The following PLA2G4B variants were observed in gnomAD, a reference collection of about 807,000 sequenced individuals.
PLA2G4B encodes the protein cytosolic phospholipase A2 beta.
A neutral mutation model predicts 95.8 loss-of-function variants in PLA2G4B; 122 were observed. The ratio of observed to expected loss-of-function variants is 1.27; its 90% CI spans 1.10 to 1.48. The LOEUF is 1.48. Among genes scored for constraint, PLA2G4B ranks in the 40% most tolerant of loss-of-function variants. The probability of loss-of-function intolerance (pLI) is 0.00; values close to 1 mark genes in which losing one functional copy is unlikely to be tolerated. For missense variants in PLA2G4B, 1,158 were observed against 996.2 expected, an observed-to-expected ratio of 1.16 and a Z score of -2.19; for synonymous variants, 518 against 421.5, an observed-to-expected ratio of 1.23 and a Z score of -2.80.
rs1447829356 is a variant in PLA2G4B, at chr15:41,846,269, T to A, written c.1667T>A (p.Phe556Tyr). 6.2e-7 allele frequency: 1 copy of A among 1,613,962 alleles called. No individual in the cohort carries two copies. The highest frequency in any genetic ancestry group is 1.3e-5 in the African/African-American group (1 of 75,030). The change falls in exon 17 of 20, where the codon TTT (phenylalanine) becomes TAT (tyrosine). Residue 556 changes from phenylalanine to tyrosine, a missense_variant. Transcript: ENST00000458483. Reference sequence around the variant, plus strand: ...TCAACAGCCGGCAGGATAGCTGAGTTTTTCACCGATCTTCTGACGTGGCGT... The same window carrying A: ...TCAACAGCCGGCAGGATAGCTGAGTATTTCACCGATCTTCTGACGTGGCGT... The part of the protein sequence containing the change: ...PPSTAGRIAE[F>Y]FTDLLTWRPL...
At chr15:41,842,135 T>G (rs2065443593) in intron 8 of PLA2G4B, 58 bp from the exon 9 acceptor site, 1 of 1,602,168 alleles carries the variant, frequency 6.2e-7, no homozygotes, top group Non-Finnish European at 8.5e-7. Context: ...TTTGGTGAGG[T>G]CTTTGCTAGG....
intron 14 of PLA2G4B, 98 bp from the exon 15 acceptor site, chr15:41,845,540 T>C (rs1377963049): frequency 6.5e-7 from 1 of 1,543,756 alleles, no homozygotes; most frequent in Non-Finnish European, 8.7e-7. Flanking sequence ...CTGGGCCTCC[T>C]GGTCCTCAGC....
Position 41,842,558 on chromosome 15 carries a change from C to T in PLA2G4B, c.710C>T (p.Pro237Leu), listed in dbSNP as rs760641020. 84 of 1,610,736 alleles carry T rather than the reference C, an allele frequency of 5.2e-5. No individual in the cohort carries two copies. The highest frequency in any genetic ancestry group is 7.0e-5 in the Non-Finnish European group (82 of 1,179,094). The change falls in exon 10 of 20, where the codon CCC becomes CTC. Residue 237 changes from proline to leucine, a missense_variant. Pro to Leu is a moderately conservative substitution (Grantham distance 98). Transcript: ENST00000458483. The stretch of plus-strand genomic sequence containing the variant: ...TGGGGCCTTCACGGTTTTCAGGAGC[C>T]CCTGATGAGAGTGGAGCTGAAAAAA... ...VRLVFPTSQE[P>L]LMRVELKKEA...
Position 41,841,066 on chromosome 15 carries a change from C to T in PLA2G4B, c.363C>T (p.Arg121=). 6.3e-7 allele frequency: 1 copy of T among 1,583,192 alleles called. No homozygotes were observed. Among genetic ancestry groups the T allele is most frequent in the South Asian group, 1.2e-5 (1 of 86,422 alleles). The change falls in exon 5 of 20, where the codon CGC becomes CGT. Residue 121 remains arginine, a synonymous_variant. Coordinates refer to ENST00000458483, the MANE Select transcript of PLA2G4B (RefSeq NM_001114633.2). ...GGCTCTCTTCCCAGGGTGAGGGGCGCCTGGAAGTTGAATTTCGCCTGCAGA... is the reference window on the plus strand; with the variant it reads ...GGCTCTCTTCCCAGGGTGAGGGGCGTCTGGAAGTTGAATTTCGCCTGCAGA... ...SFSLSPQGEG[R]LEVEFRLQSL...
At chr15:41,847,179 T>C (rs1280132211) in intron 18 of PLA2G4B, among the ~76,000 whole-genome samples, 158 bp from the exon 19 acceptor site, 1 of 96,220 alleles carries the variant, frequency 1.0e-5, no homozygotes, top group Non-Finnish European at 2.3e-5. Context: ...CCGAGGCCTG[T>C]CAGGTGTGGA....
At chr15:41,846,511 C>G in intron 17 of PLA2G4B, 129 bp downstream of exon 17, 3 of 1,502,064 alleles carry the variant, frequency 2.0e-6, no homozygotes, top group East Asian at 2.3e-5. Flanking sequence ...GAACAGGGGT[C>G]TTTTTCTCCT....
Position 41,846,745 on chromosome 15 carries a change from C to G in PLA2G4B, c.1857C>G (p.Leu619=). Residue 619 remains leucine (L), a synonymous_variant, in exon 18 of 20, where the codon CTC becomes CTG. Coordinates refer to ENST00000458483, the MANE Select transcript of PLA2G4B (RefSeq NM_001114633.2). ...PHLCLLDVGY[L]INTSCLPLLQ... is the part of the protein sequence containing the mutation. ...TGTGCCTGCTGGATGTTGGCTACCT[C>G]ATCAATACCAGCTGCCTGCCCCTCC... 1 of 1,614,052 alleles carries G rather than the reference C, an allele frequency of 6.2e-7. No individual in the cohort carries two copies. The highest frequency in any genetic ancestry group is 8.5e-7 in the Non-Finnish European group (1 of 1,179,984).
Position 41,847,373 on chromosome 15 carries a change from G to A in PLA2G4B, c.1984G>A (p.Gly662Arg). 6.2e-7 allele frequency: 1 copy of A among 1,610,286 alleles called. No individual in the cohort carries two copies. Among genetic ancestry groups the A allele is most frequent in the Non-Finnish European group, 8.5e-7 (1 of 1,178,536 alleles). ...CCTGGGCCGGTTCTGCCAGGAGCAG[G>A]GGATCCCGTTCCCACCCATCTCGCC... ...QLLGRFCQEQGIPFPPISPSP... is the reference protein window; with the variant it reads ...QLLGRFCQEQRIPFPPISPSP... The change falls in exon 19 of 20, where the codon GGG becomes AGG. Residue 662 changes from glycine to arginine, a missense_variant. Coordinates refer to ENST00000458483, the MANE Select transcript of PLA2G4B (RefSeq NM_001114633.2).
rs769088130 is a variant in PLA2G4B, at chr15:41,848,111, T to C, written c.*251T>C. On this transcript the variant is annotated 3_prime_UTR_variant, in exon 20 of 20. Coordinates refer to ENST00000458483, the MANE Select transcript of PLA2G4B (RefSeq NM_001114633.2). ...TCCCTTCTGCGCTACCTTGAGTAGT[T>C]GGAGCACTTGATACATCACAGACTC... 1.7e-6 allele frequency: 1 copy of C among 587,406 alleles called. No individual in the cohort carries two copies. Among genetic ancestry groups the C allele is most frequent in the East Asian group, 2.9e-5 (1 of 34,864 alleles). 36.4% of individuals were successfully genotyped at this position (587,406 alleles called of 1,614,324 possible). A position where few individuals can be genotyped will look rare whatever the true frequency, so the allele number is the denominator to read the frequency against.
At position 41,842,109 on chromosome 15, in the gene PLA2G4B, T is replaced by C. The variant is rs922341048; in HGVS notation, c.622-84T>C. The stretch of plus-strand genomic sequence containing the variant: ...CCTTCCCGTCCCTCCCATAACTCTA[T>C]GGCTGCCGGCGGGAGTTTGGTGAGG... On this transcript the variant is annotated intron_variant, in intron 8 of 19. Transcript: ENST00000458483. 8 of 1,589,676 alleles carry C rather than the reference T, an allele frequency of 5.0e-6. No homozygotes were observed. The African/African-American group carries it at 1.1e-4, about 21-fold the overall frequency.
At position 41,844,472 on chromosome 15, in the gene PLA2G4B, T is replaced by C. The variant is rs753102152; in HGVS notation, c.881T>C (p.Ile294Thr). The C allele has an allele frequency of 1.2e-6, 2 of 1,614,050 alleles. No homozygotes were observed. The highest frequency in any genetic ancestry group is 2.7e-5 in the African/African-American group (2 of 74,912). Residue 294 changes from isoleucine to threonine, a missense_variant and splice_region_variant, in exon 12 of 20, where the codon ATC (isoleucine) becomes ACC (threonine). Transcript: ENST00000458483. ...AGGCCTGGCTCTCTTCTTTTCCAGA[T>C]CCCAGTGGTAGCTATTATGGCCACT... Reference protein sequence around the residue: ...QLDGDLQEDEIPVVAIMATGG... With the variant: ...QLDGDLQEDETPVVAIMATGG...
In PLA2G4B at chr15:41,845,658, T is replaced by A. The variant is rs2065526496; in HGVS notation, c.1378T>A (p.Tyr460Asn). 1 of 1,614,144 alleles carries A rather than the reference T, an allele frequency of 6.2e-7. No individual in the cohort carries two copies. The highest frequency in any genetic ancestry group is 1.3e-5 in the African/African-American group (1 of 75,056). The change falls in exon 15 of 20, where the codon TAC becomes AAC. Residue 460 changes from tyrosine (Y) to asparagine (N), a missense_variant. Tyr to Asn is a moderately radical substitution (Grantham distance 143). Coordinates refer to ENST00000458483, the MANE Select transcript of PLA2G4B (RefSeq NM_001114633.2). ...EFGEWCEFSP[Y>N]EVGFPKYGAF... ...CACAGAGTGGTGCGAGTTCTCTCCC[T>A]ACGAGGTCGGCTTCCCCAAGTACGG...
In PLA2G4B at chr15:41,845,262, G is replaced by T. The variant is rs2065516958; in HGVS notation, c.1299G>T (p.Leu433=). The change falls in exon 14 of 20, where the codon CTG becomes CTT. Residue 433 remains leucine (L), a synonymous_variant. Transcript: ENST00000458483. ...CCCTGAGTCATGGCCAGAACCCTCT[G>T]CCCATCTACTGTGCCCTCAACACCA... ...REALSHGQNP[L]PIYCALNTKG... is the part of the protein sequence containing the mutation. The T allele has an allele frequency of 6.2e-7, 1 of 1,614,148 alleles. No homozygotes were observed. Among genetic ancestry groups the T allele is most frequent in the Non-Finnish European group, 8.5e-7 (1 of 1,180,006 alleles).
chr15:41,842,280 C>T lies in PLA2G4B; in HGVS notation c.705+4C>T, dbSNP rs752717581. The T allele has an allele frequency of 1.2e-6, 2 of 1,613,950 alleles. No homozygotes were observed. On this transcript the variant is annotated splice_donor_region_variant and intron_variant, in intron 9 of 19. Coordinates refer to ENST00000458483, the MANE Select transcript of PLA2G4B (RefSeq NM_001114633.2). ...GCTTGTCTTCCCCACGTCCCAGGTA[C>T]TGGCCTCCCAGGGAAGGAAGCAAGG...
At chr15:41,843,919 C>T (rs2140893660) in intron 11 of PLA2G4B, 108 bp downstream of exon 11, 2 of 1,474,824 alleles carry the variant, frequency 1.4e-6, no homozygotes, top group South Asian at 2.7e-5. Flanking sequence ...CTCGTAGCTG[C>T]CTGTCCCCAC....
intron 18 of PLA2G4B, 43 bp downstream of exon 18, chr15:41,846,878 C>T (rs761830683): frequency 1.0e-5 from 16 of 1,570,424 alleles, no homozygotes; most frequent in East Asian, 2.3e-5. Context: ...GGTGGGTGGC[C>T]CCTGTCCCCT....
At chr15:41,846,103 C>G in intron 16 of PLA2G4B, 56 bp downstream of exon 16, 1 of 1,572,724 alleles carries the variant, frequency 6.4e-7, no homozygotes. Flanking sequence ...TGGGGCTGCA[C>G]CAGGGGGCGG....
intron 12 of PLA2G4B, 61 bp from the exon 13 acceptor site, chr15:41,844,787 G>C (rs577508524): frequency 2.6e-6 from 4 of 1,544,478 alleles, no homozygotes; most frequent in South Asian, 1.2e-5. Context: ...CCCGGGGCAC[G>C]TGGGGTCTAG....
chr15:41,840,984 G>A (rs1423662328), intron 4 of PLA2G4B, 71 bp from the exon 5 acceptor site: 3 of 1,579,652 alleles, frequency 1.9e-6, no homozygotes, highest in African/African-American at 1.3e-5. Flanking sequence ...ACACACGCAT[G>A]TCTCTCATAC....
Sources: allele counts gnomAD v4.1 joint callset (sites outside exome capture counted in the v4.1 genomes callset), GRCh38; gene constraint gnomAD v4.1.1; transcripts MANE v1.5; gene names NCBI Gene and HGNC (gene_info 2026-07-23, HGNC 2026-07-21).